Variants in CS observed in about 807,000 individuals in gnomAD.
CS encodes citrate synthase, mitochondrial.
Under a neutral mutation model 61.4 loss-of-function variants are expected in CS, and 13 were observed. The observed-to-expected ratio is 0.21, with a 90% CI of 0.14 to 0.34. The LOEUF (loss-of-function observed/expected upper bound fraction) is 0.34. Ranked by LOEUF, CS falls within the 10% of genes least tolerant of loss-of-function variation. The probability of loss-of-function intolerance (pLI) is 1.00; values close to 1 mark genes in which losing one functional copy is unlikely to be tolerated. For synonymous variants in CS, 159 were observed against 215.2 expected, an observed-to-expected ratio of 0.74 and a Z score of 2.29; for missense variants, 278 against 573.4, an observed-to-expected ratio of 0.48 and a Z score of 5.26.
At chr12:56,281,159 AG>A (rs1872767024) in intron 6 of CS, among the ~76,000 whole-genome samples, 1 of 152,228 alleles carries the variant, frequency 6.6e-6, no homozygotes, top group South Asian at 2.1e-4. Flanking sequence ...CTTTGTAAAA[AG>A]AAAATTTTCT....
At chr12:56,278,407 C>T (rs1182976534) in intron 6 of CS, among the ~76,000 whole-genome samples, 2 of 151,998 alleles carry the variant, frequency 1.3e-5, no homozygotes, top group African/African-American at 4.8e-5. Flanking sequence ...AGATTACAGG[C>T]GTGAGCCACT....
At chr12:56,274,216 G>C (rs1418927208) in intron 9 of CS, 4 of 209,048 alleles carry the variant, frequency 1.9e-5, no homozygotes, top group Non-Finnish European at 3.9e-5. Flanking sequence ...AGCTACTCGA[G>C]AGGATGAGGC....
intron 1 of CS, chr12:56,298,664 T>C: frequency 1.0e-6 from 1 of 985,446 alleles, no homozygotes; most frequent in Non-Finnish European, 1.2e-6. Flanking sequence ...ATCTCCCAAA[T>C]GCTCAGCTAG....
chr12:56,287,479 C>CAA lies in CS; in HGVS notation c.43-836_43-835dup, dbSNP rs61199207. Reference sequence around the variant, plus strand: ...CCTGGGCAAATGAGCAAGACTCTGTCAAAAAAAAAAAAAAAAAAAAAAAAA... The same window carrying CAA: ...CCTGGGCAAATGAGCAAGACTCTGTCAAAAAAAAAAAAAAAAAAAAAAAAAAA... On this transcript the variant is annotated intron_variant, in intron 1 of 10. Coordinates refer to ENST00000351328, the MANE Select transcript of CS (RefSeq NM_004077.3). 7.2e-3 allele frequency among the ~76,000 whole-genome samples: 324 copies of CAA among 44,754 alleles called. 1 individual carries two copies. The highest frequency in any genetic ancestry group is 9.3e-3 in the Non-Finnish European group (232 of 25,064). The allele number at this position is 44,754 out of a possible 152,430, so 29.4% of individuals were successfully genotyped here.
intron 5 of CS, 81 bp downstream of exon 5, chr12:56,282,779 G>C (rs1455237020): frequency 6.3e-7 from 1 of 1,586,012 alleles, no homozygotes; most frequent in Non-Finnish European, 8.6e-7. Flanking sequence ...ATAAATGCCG[G>C]ATCAGCATTA....
chr12:56,277,740 C>T (rs1469565437), intron 6 of CS, among the ~76,000 whole-genome samples: 4 of 146,186 alleles, frequency 2.7e-5, no homozygotes, highest in Non-Finnish European at 6.1e-5. Flanking sequence ...ACGCCATTCT[C>T]CTGCCTCAGC....
intron 1 of CS, among the ~76,000 whole-genome samples, chr12:56,292,730 CAAAAAAAAA>C (rs531365770): frequency 5.3e-5 from 3 of 56,880 alleles, no homozygotes; most frequent in African/African-American, 2.1e-4. Flanking sequence ...TAAAAAAATA[CAAAAAAAAA>C]AAAAAAAAAA....
chr12:56,291,161 G>C (rs1873112180), intron 1 of CS: 2 of 869,310 alleles, frequency 2.3e-6, no homozygotes, highest in Admixed American at 6.4e-5. Context: ...ACAGTGCTTT[G>C]TGCATAGCTG....
At chr12:56,292,580 GA>G (rs1452294266) in intron 1 of CS, among the ~76,000 whole-genome samples, 1 of 150,952 alleles carries the variant, frequency 6.6e-6, no homozygotes, top group Non-Finnish European at 1.5e-5. Context: ...CCTTTCTGCA[GA>G]AAGTATAAAA....
chr12:56,280,415 C>CA (rs1565620524), intron 6 of CS, among the ~76,000 whole-genome samples: 2,627 of 11,190 alleles, frequency 0.23, 161 homozygotes, highest in Admixed American at 0.33. Context: ...ACACCGTCTC[C>CA]CAAAAAAAAC....
In CS at chr12:56,277,926, G is replaced by C. The variant is rs150813265; in HGVS notation, c.589-1731C>G. ...TTACAGGAGTGAGCCACCGCACCCGGCCGAGGCTTCCATTCTTTAAGCACT... is the reference window on the plus strand; with the variant it reads ...TTACAGGAGTGAGCCACCGCACCCGCCCGAGGCTTCCATTCTTTAAGCACT... On this transcript the variant is annotated intron_variant, in intron 6 of 10. Transcript: ENST00000351328. Among the ~76,000 whole-genome samples, 98 of 152,178 alleles carry C rather than the reference G, an allele frequency of 6.4e-4. 1 individual carries two copies. The East Asian group carries it at 0.018, about 28-fold the overall frequency.
rs774591235 is a variant in CS at position 56,289,778 on chromosome 12, G to A, written c.43-3133C>T. Among the ~76,000 whole-genome samples, 4 of 151,986 alleles carry A rather than the reference G, an allele frequency of 2.6e-5. No homozygotes were observed. In the East Asian group the frequency reaches 5.8e-4, roughly 22 times the overall value. On this transcript the variant is annotated intron_variant, in intron 1 of 10. Transcript: ENST00000351328. Reference sequence around the variant, plus strand: ...TCTTTTAAACTTTTCTTATAGAGACGGGGGTCTTGCTATGTTGCCCCGGCT... The same window carrying A: ...TCTTTTAAACTTTTCTTATAGAGACAGGGGTCTTGCTATGTTGCCCCGGCT...
At chr12:56,284,764 T>TG (rs1301814071) in intron 3 of CS, among the ~76,000 whole-genome samples, 1 of 147,230 alleles carries the variant, frequency 6.8e-6, no homozygotes, top group Non-Finnish European at 1.5e-5. Flanking sequence ...CTGGGCGTGG[T>TG]GGTGCGGGCC....
chr12:56,284,319 C>CAAAAAAAAAAAAAAAAAAAA (rs57352870), intron 3 of CS, among the ~76,000 whole-genome samples: 1 of 73,360 alleles, frequency 1.4e-5, no homozygotes, highest in Non-Finnish European at 2.7e-5. Flanking sequence ...AACTCCATCT[C>CAAAAAAAAAAAAAAAAAAAA]AAAAAAAAAA....
In CS at chr12:56,273,050, C is replaced by T. The variant is rs1872551463; in HGVS notation, c.*34G>A. 1.9e-6 allele frequency: 3 copies of T among 1,562,418 alleles called. No homozygotes were observed. In the South Asian group the frequency reaches 3.5e-5, roughly 18 times the overall value. Reference sequence around the variant, plus strand: ...TATACTTTTTATTTAGGCTTCCTCACTTTCTGGTAGTCACTTTCACCCAGT... The same window carrying T: ...TATACTTTTTATTTAGGCTTCCTCATTTTCTGGTAGTCACTTTCACCCAGT... On this transcript the variant is annotated 3_prime_UTR_variant, in exon 11 of 11. Transcript: ENST00000351328.
At chr12:56,273,409 G>C in intron 10 of CS, 155 bp from the exon 11 acceptor site, 1 of 969,144 alleles carries the variant, frequency 1.0e-6, no homozygotes, top group Admixed American at 2.7e-5. Context: ...GAAAAGTATA[G>C]CAATTGGGAT....
At chr12:56,275,569 TA>T (rs769377638) in intron 7 of CS, 4,642 of 106,748 alleles carry the variant, frequency 0.043, 10 homozygotes, top group South Asian at 0.099. Context: ...AGACTCCATC[TA>T]AAAAAAAAAA....
chr12:56,286,126 T>G, intron 2 of CS, 103 bp from the exon 3 acceptor site: 2 of 882,490 alleles, frequency 2.3e-6, no homozygotes, highest in Non-Finnish European at 3.7e-6. Context: ...TGGCTTTATC[T>G]GCCAGGGAAG....
intron 1 of CS, among the ~76,000 whole-genome samples, chr12:56,292,952 T>C (rs1873178398): frequency 2.0e-5 from 3 of 151,806 alleles, no homozygotes; most frequent in Admixed American, 6.6e-5. Flanking sequence ...ATTAAATTTA[T>C]GTTCAAGTGC....
Sources: allele counts gnomAD v4.1 joint callset (sites outside exome capture counted in the v4.1 genomes callset), GRCh38; gene constraint gnomAD v4.1.1; transcripts MANE v1.5; gene names NCBI Gene and HGNC (gene_info 2026-07-23, HGNC 2026-07-21).